CNTNAP5: variants seen among roughly 807,000 people sequenced by gnomAD.
CNTNAP5 encodes contactin associated protein family member 5, also known as contactin-associated protein-like 5.
Under a neutral mutation model 150.2 loss-of-function variants are expected in CNTNAP5, and 72 were observed. The observed-to-expected ratio is 0.48, with a 90% CI of 0.40 to 0.58. The LOEUF (loss-of-function observed/expected upper bound fraction) is 0.58, where lower values mean the gene tolerates loss of function less well. Among genes scored for constraint, CNTNAP5 ranks in the 20% least tolerant of loss-of-function variants. The pLI, the probability that CNTNAP5 is intolerant of heterozygous loss-of-function variation, is 0.00. For missense variants in CNTNAP5, 1,636 were observed against 1,626.2 expected, an observed-to-expected ratio of 1.01 and a Z score of -0.10; for synonymous variants, 672 against 619.8, an observed-to-expected ratio of 1.08 and a Z score of -1.25.
intron 13 of CNTNAP5, among the ~76,000 whole-genome samples, chr2:124,728,144 T>C (rs2105123964): frequency 6.6e-6 from 1 of 152,204 alleles, no homozygotes; most frequent in South Asian, 2.1e-4. Flanking sequence ...TTTATCTCAC[T>C]TGATCATGGT....
chr2:124,728,610 T>C (rs1413105859), intron 13 of CNTNAP5, among the ~76,000 whole-genome samples: 1 of 152,054 alleles, frequency 6.6e-6, no homozygotes, highest in East Asian at 1.9e-4. Flanking sequence ...ATTATTTTAA[T>C]GTAATACATA....
At chr2:124,222,234 A>G (rs1686339617) in intron 2 of CNTNAP5, among the ~76,000 whole-genome samples, 1 of 152,122 alleles carries the variant, frequency 6.6e-6, no homozygotes, top group Non-Finnish European at 1.5e-5. Flanking sequence ...CAAAAATACT[A>G]TTAATTGAAA....
chr2:124,217,075 T>G (rs987265389), intron 1 of CNTNAP5, among the ~76,000 whole-genome samples: 1 of 152,142 alleles, frequency 6.6e-6, no homozygotes, highest in African/African-American at 2.4e-5. Flanking sequence ...GAAAAAGCTT[T>G]TAAAGATCTC....
intron 3 of CNTNAP5, among the ~76,000 whole-genome samples, chr2:124,370,262 T>A (rs541467077): frequency 6.6e-6 from 1 of 152,166 alleles, no homozygotes; most frequent in African/African-American, 2.4e-5. Context: ...GCAGTAAAGG[T>A]TGTGCTTTTT....
intron 16 of CNTNAP5, among the ~76,000 whole-genome samples, chr2:124,764,483 G>T (rs1451000385): frequency 6.6e-6 from 1 of 152,120 alleles, no homozygotes; most frequent in Non-Finnish European, 1.5e-5. Flanking sequence ...CTGAAAAGAG[G>T]ATTATTATGC....
chr2:124,747,496 C>T (rs1680629844), intron 14 of CNTNAP5, 111 bp downstream of exon 14: 4 of 1,268,964 alleles, frequency 3.2e-6, no homozygotes, highest in Non-Finnish European at 4.5e-6. Context: ...AACTGGAGCT[C>T]CCCCGATGGT....
At chr2:124,604,337 T>G (rs1023507786) in intron 11 of CNTNAP5, among the ~76,000 whole-genome samples, 3 of 152,224 alleles carry the variant, frequency 2.0e-5, no homozygotes, top group African/African-American at 7.2e-5. Context: ...TCGTTTAAAA[T>G]GAGGTTATTA....
intron 3 of CNTNAP5, among the ~76,000 whole-genome samples, chr2:124,323,961 G>A (rs908043502): frequency 3.9e-5 from 6 of 152,164 alleles, no homozygotes; most frequent in Non-Finnish European, 8.8e-5. Flanking sequence ...GAGAAAAGAA[G>A]GAGAAAGTAT....
At chr2:124,789,855 G>T (rs1315210985) in intron 17 of CNTNAP5, 47 bp from the exon 18 acceptor site, 1 of 1,578,514 alleles carries the variant, frequency 6.3e-7, no homozygotes, top group East Asian at 2.3e-5. Context: ...TAAATGTATT[G>T]AGCCCTATAA....
At chr2:124,358,859 G>T (rs1445523280) in intron 3 of CNTNAP5, among the ~76,000 whole-genome samples, 2 of 149,980 alleles carry the variant, frequency 1.3e-5, no homozygotes, top group African/African-American at 4.9e-5. Context: ...CTATTGATTG[G>T]AATAGTTTCA....
In CNTNAP5 at chr2:124,542,781, A is replaced by G. The variant is rs1207588426; in HGVS notation, c.1649+15325A>G. On this transcript the variant is annotated intron_variant, in intron 10 of 23. Transcript: ENST00000682447. ...CAAAGTTCATCACGTCTACTGATGCATTCAGCTGAGACACGTGCCCTGTGA... is the reference window on the plus strand; with the variant it reads ...CAAAGTTCATCACGTCTACTGATGCGTTCAGCTGAGACACGTGCCCTGTGA... Among the ~76,000 whole-genome samples, 6 of 152,118 alleles carry G rather than the reference A, an allele frequency of 3.9e-5. No individual in the cohort carries two copies. The South Asian group carries it at 8.3e-4, about 21-fold the overall frequency.
At chr2:124,093,825 C>A (rs1682870725) in intron 1 of CNTNAP5, among the ~76,000 whole-genome samples, 1 of 152,212 alleles carries the variant, frequency 6.6e-6, no homozygotes, top group Non-Finnish European at 1.5e-5. Flanking sequence ...AAGCTTATTT[C>A]AACTCAGTAT....
intron 11 of CNTNAP5, among the ~76,000 whole-genome samples, chr2:124,563,919 G>A (rs529342453): frequency 6.6e-6 from 1 of 152,318 alleles, no homozygotes; most frequent in African/African-American, 2.4e-5. Context: ...ACATTCCACT[G>A]GCCAAATAAA....
chr2:124,871,192 G>A (rs973934643), intron 21 of CNTNAP5, among the ~76,000 whole-genome samples: 2 of 151,346 alleles, frequency 1.3e-5, no homozygotes, highest in South Asian at 4.2e-4. Flanking sequence ...CTTCTGCCAG[G>A]CTTTATTTCC....
rs936211128 is a variant in CNTNAP5, at chr2:124,711,655, G to C, written c.2078-35574G>C. ...ATCTTGGCTAACACGGTGAAACCCCGTCTCTACTAAAAACAAACAAACAAA... is the reference window on the plus strand; with the variant it reads ...ATCTTGGCTAACACGGTGAAACCCCCTCTCTACTAAAAACAAACAAACAAA... On this transcript the variant is annotated intron_variant, in intron 13 of 23. Coordinates refer to ENST00000682447, the MANE Select transcript of CNTNAP5 (RefSeq NM_001367498.1). Among the ~76,000 whole-genome samples, 4 of 151,600 alleles carry C rather than the reference G, an allele frequency of 2.6e-5. No homozygotes were observed. The South Asian group carries it at 8.4e-4, about 32-fold the overall frequency.
chr2:124,734,287 A>G (rs1680335947), intron 13 of CNTNAP5, among the ~76,000 whole-genome samples: 1 of 152,052 alleles, frequency 6.6e-6, no homozygotes, highest in African/African-American at 2.4e-5. Flanking sequence ...TGAAGAGAGG[A>G]AAAATGTTAT....
intron 3 of CNTNAP5, among the ~76,000 whole-genome samples, chr2:124,403,374 T>C (rs978317396): frequency 1.3e-5 from 2 of 152,242 alleles, no homozygotes; most frequent in South Asian, 2.1e-4. Flanking sequence ...ATGTATTAGA[T>C]GTAAGATTCA....
intron 13 of CNTNAP5, among the ~76,000 whole-genome samples, chr2:124,719,425 A>G (rs575920418): frequency 4.7e-4 from 71 of 152,338 alleles, no homozygotes; most frequent in African/African-American, 1.6e-3. Flanking sequence ...AAAAATAAAT[A>G]AAAGGCACAC....
chr2:124,706,624 G>A (rs1216071131), intron 13 of CNTNAP5, among the ~76,000 whole-genome samples: 2 of 151,764 alleles, frequency 1.3e-5, no homozygotes, highest in Admixed American at 1.3e-4. Context: ...GTACATGCCT[G>A]TAGTCCCAGC....
Sources: allele counts gnomAD v4.1 joint callset (sites outside exome capture counted in the v4.1 genomes callset), GRCh38; gene constraint gnomAD v4.1.1; transcripts MANE v1.5; gene names NCBI Gene and HGNC (gene_info 2026-07-23, HGNC 2026-07-21).